ZFHX3: variants seen among roughly 807,000 people sequenced by gnomAD.
ZFHX3 encodes the protein zinc finger homeobox protein 3.
In ZFHX3, 42 loss-of-function variants were observed where a neutral mutation model predicts 279.1. That is an observed-to-expected ratio of 0.15 (90% CI 0.12 to 0.19). The LOEUF (loss-of-function observed/expected upper bound fraction) is 0.19, where lower values mean the gene tolerates loss of function less well. Ranked by LOEUF, ZFHX3 falls within the 10% of genes least tolerant of loss-of-function variation. The pLI is 1.00. For synonymous variants in ZFHX3, 2,293 were observed against 1,957.8 expected (o/e 1.17, Z -4.52); for missense variants, 4,981 against 4,754.0 (o/e 1.05, Z -1.40).
chr16:73,313,743 T>C (rs2015381611), intron 4 of ZFHX3, among the ~76,000 whole-genome samples: 1 of 152,138 alleles, frequency 6.6e-6, no homozygotes, highest in South Asian at 2.1e-4. Flanking sequence ...ACAGCAGACC[T>C]AGGAGGTAGT....
intron 2 of ZFHX3, among the ~76,000 whole-genome samples, chr16:73,636,808 A>G (rs1289539559): frequency 1.3e-5 from 2 of 152,210 alleles, no homozygotes; most frequent in Non-Finnish European, 1.5e-5. Flanking sequence ...AAAGATATGC[A>G]ATAGTAAAGC....
At chr16:73,109,073 C>T (rs968252379) in intron 7 of ZFHX3, among the ~76,000 whole-genome samples, 4 of 152,202 alleles carry the variant, frequency 2.6e-5, no homozygotes, top group Admixed American at 2.6e-4. Flanking sequence ...CCACAGCCAG[C>T]CTGAGGACTT....
chr16:73,198,040 T>C (rs1390408572), intron 5 of ZFHX3, among the ~76,000 whole-genome samples: 2 of 144,572 alleles, frequency 1.4e-5, no homozygotes, highest in Non-Finnish European at 3.0e-5. Context: ...CAGGTTCAAG[T>C]GATTCTCCTG....
At chr16:72,970,728 G>A (rs1043981012) in intron 1 of ZFHX3, among the ~76,000 whole-genome samples, 1 of 152,100 alleles carries the variant, frequency 6.6e-6, no homozygotes, top group Non-Finnish European at 1.5e-5. Context: ...AGCACTCAAG[G>A]CTTTTTCATC....
At chr16:73,429,012 G>T (rs2017862097) in intron 3 of ZFHX3, among the ~76,000 whole-genome samples, 1 of 152,112 alleles carries the variant, frequency 6.6e-6, no homozygotes, top group Non-Finnish European at 1.5e-5. Flanking sequence ...GTATGCCACT[G>T]GCCTGGTTTA....
intron 1 of ZFHX3, among the ~76,000 whole-genome samples, chr16:73,866,793 A>G (rs1962034102): frequency 6.6e-6 from 1 of 152,186 alleles, no homozygotes; most frequent in Admixed American, 6.5e-5. Context: ...GAGTAGGAAA[A>G]GGGCAGAAAA....
In ZFHX3 at chr16:73,822,187, T is replaced by C. The variant is rs1960763674; in HGVS notation, c.-1608+69464A>G. ...AGATTTTTCCTTCCTGTGTGTGGCC[T>C]TCTGGCATCTGTTTTCTCTTTGAAG... is the stretch of plus-strand genomic sequence containing the variant. On this transcript the variant is annotated intron_variant, in intron 1 of 17. Coordinates refer to the ZFHX3 transcript ENST00000641206. Among the ~76,000 whole-genome samples, 3 of 152,190 alleles carry C rather than the reference T, an allele frequency of 2.0e-5. No homozygotes were observed. In the South Asian group the frequency reaches 6.2e-4, roughly 31 times the overall value.
At chr16:72,834,001 C>CT (rs1299547512) in intron 4 of ZFHX3, among the ~76,000 whole-genome samples, 1 of 152,174 alleles carries the variant, frequency 6.6e-6, no homozygotes, top group East Asian at 1.9e-4. Flanking sequence ...AATCCCAGCA[C>CT]TTTGAGAGGC....
rs917584247 is a variant in ZFHX3, at chr16:72,787,017, A to C, written c.*147T>G. 1.1e-6 allele frequency: 1 copy of C among 936,556 alleles called. No homozygotes were observed. The highest frequency in any genetic ancestry group is 1.7e-5 in the African/African-American group (1 of 57,690). 58.0% of individuals were successfully genotyped at this position (936,556 alleles called of 1,614,324 possible). A position where few individuals can be genotyped will look rare whatever the true frequency, so the allele number is the denominator to read the frequency against. Reference sequence around the variant, plus strand: ...GCATAGATAGGTATATGGGAAAACAACCCACGCTTTTTCTTTTTTTTCTTT... The same window carrying C: ...GCATAGATAGGTATATGGGAAAACACCCCACGCTTTTTCTTTTTTTTCTTT... On this transcript the variant is annotated 3_prime_UTR_variant, in exon 10 of 10. Transcript: ENST00000268489.
intron 3 of ZFHX3, among the ~76,000 whole-genome samples, chr16:73,382,561 G>A (rs375698636): frequency 2.6e-5 from 4 of 152,044 alleles, no homozygotes; most frequent in East Asian, 3.9e-4. Flanking sequence ...AATGGATTGT[G>A]GGGGGGCAGG....
At chr16:73,652,373 T>TA (rs1342918544) in intron 2 of ZFHX3, among the ~76,000 whole-genome samples, 1 of 152,182 alleles carries the variant, frequency 6.6e-6, no homozygotes, top group African/African-American at 2.4e-5. Context: ...AAAATGAAGT[T>TA]AGAGTCCTTA....
chr16:73,395,977 G>T (rs2017120947), intron 3 of ZFHX3, among the ~76,000 whole-genome samples: 1 of 152,192 alleles, frequency 6.6e-6, no homozygotes, highest in Non-Finnish European at 1.5e-5. Context: ...AGAAAACAAT[G>T]CTTACTATAC....
At chr16:73,834,851 C>T (rs1045068984) in intron 1 of ZFHX3, among the ~76,000 whole-genome samples, 1 of 151,998 alleles carries the variant, frequency 6.6e-6, no homozygotes, top group Non-Finnish European at 1.5e-5. Flanking sequence ...ACCAGCACCA[C>T]GGCATTCCAG....
At chr16:73,401,642 G>A (rs571727376) in intron 3 of ZFHX3, 2 of 152,272 alleles carry the variant, frequency 1.3e-5, no homozygotes, top group South Asian at 2.1e-4. Context: ...TTGGCTGGCC[G>A]GCTCTGAGCA....
intron 5 of ZFHX3, chr16:72,829,361 T>A (rs1457370649): frequency 3.0e-5 from 5 of 169,036 alleles, no homozygotes; most frequent in Non-Finnish European, 5.1e-5. Flanking sequence ...AAGTTCCACA[T>A]GACAAATCTC....
At chr16:73,749,551 T>C (rs2053739683) in intron 1 of ZFHX3, among the ~76,000 whole-genome samples, 1 of 152,140 alleles carries the variant, frequency 6.6e-6, no homozygotes, top group Non-Finnish European at 1.5e-5. Context: ...TATTATGAAG[T>C]ATTTAAAAAA....
chr16:73,097,866 A>G (rs1368008963), intron 7 of ZFHX3, among the ~76,000 whole-genome samples: 2 of 152,208 alleles, frequency 1.3e-5, no homozygotes, highest in Non-Finnish European at 2.9e-5. Context: ...TTCACTGAAC[A>G]TAATGTTTTC....
At chr16:72,998,695 C>A (rs1384768918) in intron 1 of ZFHX3, among the ~76,000 whole-genome samples, 1 of 152,190 alleles carries the variant, frequency 6.6e-6, no homozygotes, top group Admixed American at 6.5e-5. Flanking sequence ...TCTGATCTGG[C>A]CCCACTGTAA....
intron 4 of ZFHX3, among the ~76,000 whole-genome samples, chr16:72,853,424 G>T (rs1015687678): frequency 2.0e-5 from 3 of 152,184 alleles, no homozygotes; most frequent in African/African-American, 7.2e-5. Flanking sequence ...CTGCCCTAAT[G>T]AGCCTTCTTT....
Sources: allele counts gnomAD v4.1 joint callset (sites outside exome capture counted in the v4.1 genomes callset), GRCh38; gene constraint gnomAD v4.1.1; transcripts MANE v1.5; gene names NCBI Gene and HGNC (gene_info 2026-07-23, HGNC 2026-07-21).